TLK1: variants seen among roughly 807,000 people sequenced by gnomAD.
TLK1 encodes tousled like kinase 1.
Under a neutral mutation model 105.3 loss-of-function variants are expected in TLK1, and 24 were observed. That is an observed-to-expected ratio of 0.23 (90% CI 0.17 to 0.32). The LOEUF (loss-of-function observed/expected upper bound fraction) is 0.32, where lower values mean the gene tolerates loss of function less well. Ranked by LOEUF, TLK1 falls within the 10% of genes least tolerant of loss-of-function variation. TLK1 has a pLI of 1.00. For synonymous variants in TLK1, 321 were observed against 310.4 expected (o/e 1.03, Z -0.36); for missense variants, 558 against 910.5 (o/e 0.61, Z 4.98).
At chr2:171,075,508 T>C (rs1688459665) in intron 3 of TLK1, among the ~76,000 whole-genome samples, 1 of 152,176 alleles carries the variant, frequency 6.6e-6, no homozygotes, top group South Asian at 2.1e-4. Flanking sequence ...AGATGAATAT[T>C]AAGGATTAAA....
chr2:171,058,898 A>C (rs1354197217), intron 4 of TLK1, among the ~76,000 whole-genome samples: 1 of 152,198 alleles, frequency 6.6e-6, no homozygotes, highest in Non-Finnish European at 1.5e-5. Flanking sequence ...CAAAGTCAAA[A>C]GCTTTGCTTA....
intron 1 of TLK1, among the ~76,000 whole-genome samples, chr2:171,135,663 G>C (rs1691287615): frequency 6.6e-6 from 1 of 152,034 alleles, no homozygotes; most frequent in Non-Finnish European, 1.5e-5. Flanking sequence ...TTAGCCGGGA[G>C]TGGTGGTGGG....
chr2:171,113,173 A>C (rs1690257258), intron 2 of TLK1, among the ~76,000 whole-genome samples: 1 of 152,212 alleles, frequency 6.6e-6, no homozygotes, highest in African/African-American at 2.4e-5. Flanking sequence ...AATATTTTTA[A>C]TGTGATACTG....
At position 171,117,722 on chromosome 2, in the gene TLK1, A is replaced by G; in HGVS notation, c.258+17T>C. ...TAGAAAGAAAGACTGTCAAATAAAGATGAGAATTTTGCTCACTTTAGCTCC... is the reference window on the plus strand; with the variant it reads ...TAGAAAGAAAGACTGTCAAATAAAGGTGAGAATTTTGCTCACTTTAGCTCC... On this transcript the variant is annotated intron_variant, in intron 2 of 20. Transcript: ENST00000431350. 1 of 1,580,214 alleles carries G rather than the reference A, an allele frequency of 6.3e-7. No individual in the cohort carries two copies. Among genetic ancestry groups the G allele is most frequent in the African/African-American group, 1.4e-5 (1 of 73,990 alleles).
chr2:171,003,909 T>C (rs1292060073), intron 18 of TLK1, among the ~76,000 whole-genome samples: 2 of 152,216 alleles, frequency 1.3e-5, no homozygotes, highest in African/African-American at 4.8e-5. Context: ...CAGACAAGTA[T>C]CTACATATAT....
At chr2:171,045,487 T>TCTG in intron 11 of TLK1, 1 of 147,942 alleles carries the variant, frequency 6.8e-6, no homozygotes, top group Admixed American at 6.8e-5. Context: ...AGTGCTGGGA[T>TCTG]TACAGGCATG....
intron 1 of TLK1, among the ~76,000 whole-genome samples, chr2:171,184,110 G>A (rs572092325): frequency 5.9e-5 from 9 of 152,302 alleles, no homozygotes; most frequent in South Asian, 4.1e-4. Flanking sequence ...GGTCAGAGAC[G>A]TGCAATGTTA....
intron 20 of TLK1, among the ~76,000 whole-genome samples, chr2:170,996,040 C>A (rs1408863025): frequency 2.0e-5 from 3 of 151,740 alleles, no homozygotes; most frequent in African/African-American, 4.8e-5. Flanking sequence ...CTCTGTCCCC[C>A]AGGTTTGAGT....
chr2:171,079,334 C>G (rs1165784945), intron 3 of TLK1, among the ~76,000 whole-genome samples: 1 of 152,218 alleles, frequency 6.6e-6, no homozygotes, highest in Non-Finnish European at 1.5e-5. Context: ...TTGGTGGTTT[C>G]TTGCGCTTTG....
rs71008743 is a variant in TLK1, at chr2:171,009,291, CTTTTTTTTTTTTTTTTTTTT to C, written c.1416+2062_1416+2081del. ...CATGCAACAGTCAGGATTTCTTTTCCTTTTTTTTTTTTTTTTTTTTTTTTTTTTGAGAGAAAATGTCTCCC... is the reference window on the plus strand; with the variant it reads ...CATGCAACAGTCAGGATTTCTTTTCCTTTTTTTTGAGAGAAAATGTCTCCC... On this transcript the variant is annotated intron_variant, in intron 14 of 20. Coordinates refer to ENST00000431350, the MANE Select transcript of TLK1 (RefSeq NM_012290.5). 1.2e-4 allele frequency among the ~76,000 whole-genome samples: 9 copies of C among 74,842 alleles called. No individual in the cohort carries two copies. The Admixed American group carries it at 1.8e-3, about 15-fold the overall frequency. 49.1% of individuals were successfully genotyped at this position (74,842 alleles called of 152,430 possible).
chr2:171,157,331 C>T (rs1692278394), intron 1 of TLK1, among the ~76,000 whole-genome samples: 1 of 152,146 alleles, frequency 6.6e-6, no homozygotes, highest in Admixed American at 6.5e-5. Flanking sequence ...CAAAGCAAAA[C>T]TGGCCTTTAC....
intron 11 of TLK1, among the ~76,000 whole-genome samples, chr2:171,036,838 T>C (rs961840583): frequency 5.9e-5 from 9 of 152,180 alleles, no homozygotes; most frequent in African/African-American, 2.2e-4. Context: ...AATGGGGATG[T>C]TGAGATAGGG....
intron 7 of TLK1, 42 bp downstream of exon 7, chr2:171,055,041 T>C (rs1687429763): frequency 1.7e-6 from 2 of 1,211,934 alleles, no homozygotes; most frequent in Non-Finnish European, 2.2e-6. Context: ...AGTCAATGGT[T>C]TCTTAGAAGC....
upstream of TLK1, among the ~76,000 whole-genome samples, chr2:171,163,907 G>T (rs1692560280): frequency 6.6e-6 from 1 of 152,098 alleles, no homozygotes; most frequent in Admixed American, 6.6e-5. Flanking sequence ...TTGTATTTTA[G>T]TAGAGATGGG....
rs189626161 is a variant in TLK1, at chr2:171,184,036, G to A, written c.-6+47109C>T. On this transcript the variant is annotated intron_variant, in intron 1 of 20. Transcript: ENST00000521943. The stretch of plus-strand genomic sequence containing the variant: ...CTGGGTGGGTCCAATCTAATCACAC[G>A]GGTCCTTCAAAGTGGAGAAACTTTC... 2.1e-4 allele frequency among the ~76,000 whole-genome samples: 32 copies of A among 152,222 alleles called. 2 individuals carry two copies. Among genetic ancestry groups the A allele is most frequent in the Admixed American group, 1.6e-3 (25 of 15,288 alleles).
chr2:171,019,965 C>T (rs770038224), intron 12 of TLK1, among the ~76,000 whole-genome samples: 2 of 150,530 alleles, frequency 1.3e-5, no homozygotes, highest in South Asian at 2.1e-4. Flanking sequence ...GGATGAGGCA[C>T]GAGAATCACT....
chr2:171,123,655 A>C (rs1355041382), intron 1 of TLK1, among the ~76,000 whole-genome samples: 2 of 152,170 alleles, frequency 1.3e-5, no homozygotes, highest in East Asian at 3.8e-4. Flanking sequence ...AAAAATTAAA[A>C]AAATAAAACC....
chr2:171,169,026 C>G (rs1041733882), intron 1 of TLK1, among the ~76,000 whole-genome samples: 1 of 151,310 alleles, frequency 6.6e-6, no homozygotes, highest in South Asian at 2.1e-4. Context: ...TGCAGTGAGC[C>G]GAGATCTCGC....
chr2:171,063,333 G>T (rs796818033), intron 3 of TLK1, among the ~76,000 whole-genome samples: 1 of 152,042 alleles, frequency 6.6e-6, no homozygotes, highest in African/African-American at 2.4e-5. Context: ...GTGACACAGC[G>T]AGACTCCATC....
Sources: allele counts gnomAD v4.1 joint callset (sites outside exome capture counted in the v4.1 genomes callset), GRCh38; gene constraint gnomAD v4.1.1; transcripts MANE v1.5; gene names NCBI Gene and HGNC (gene_info 2026-07-23, HGNC 2026-07-21).